ZMIZ1: variants seen among roughly 807,000 people sequenced by gnomAD.
The protein encoded by ZMIZ1 is zinc finger MIZ domain-containing protein 1.
In ZMIZ1, 17 loss-of-function variants were observed where a neutral mutation model predicts 113.9. The observed-to-expected ratio is 0.15, with a 90% CI of 0.10 to 0.22. ZMIZ1 has a LOEUF of 0.22. Among genes scored for constraint, ZMIZ1 ranks in the 10% least tolerant of loss-of-function variants. ZMIZ1 has a pLI of 1.00. For missense variants in ZMIZ1, 1,059 were observed against 1,477.8 expected (o/e 0.72, Z 4.65); for synonymous variants, 607 against 603.1 (o/e 1.01, Z -0.09).
At chr10:79,076,173 A>C (rs1276628576) in intron 1 of ZMIZ1, among the ~76,000 whole-genome samples, 1 of 152,106 alleles carries the variant, frequency 6.6e-6, no homozygotes, top group African/African-American at 2.4e-5. Flanking sequence ...GGAAAGAAAC[A>C]CTTGGTCTCA....
At position 79,314,327 on chromosome 10, in the gene ZMIZ1, G is replaced by T. The variant is rs1278204196; in HGVS notation, c.*1578G>T. 8.9e-6 allele frequency: 4 copies of T among 447,376 alleles called. No homozygotes were observed. The highest frequency in any genetic ancestry group is 1.8e-5 in the Non-Finnish European group (4 of 221,110). 27.7% of individuals were successfully genotyped at this position (447,376 alleles called of 1,614,324 possible). Reference sequence around the variant, plus strand: ...GCGCCCTTCCCGGCTGCTGCCTGGGGCCCTTTCCTGCTCTCCCGTCCGCTG... The same window carrying T: ...GCGCCCTTCCCGGCTGCTGCCTGGGTCCCTTTCCTGCTCTCCCGTCCGCTG... On this transcript the variant is annotated 3_prime_UTR_variant, in exon 25 of 25. Coordinates refer to ENST00000334512, the MANE Select transcript of ZMIZ1 (RefSeq NM_020338.4).
At chr10:79,274,134 G>A (rs1043084804) in intron 7 of ZMIZ1, among the ~76,000 whole-genome samples, 1 of 152,276 alleles carries the variant, frequency 6.6e-6, no homozygotes, top group Non-Finnish European at 1.5e-5. Flanking sequence ...TGGTTGCTTA[G>A]GCAGTAGAAG....
At chr10:79,132,979 C>G (rs1299844783) in intron 2 of ZMIZ1, among the ~76,000 whole-genome samples, 2 of 152,132 alleles carry the variant, frequency 1.3e-5, no homozygotes, top group Admixed American at 1.3e-4. Flanking sequence ...CTGGCCCCCT[C>G]GCAGGCTCTG....
At chr10:79,156,734 C>T (rs778639211) in intron 3 of ZMIZ1, among the ~76,000 whole-genome samples, 5 of 152,180 alleles carry the variant, frequency 3.3e-5, no homozygotes, top group Non-Finnish European at 5.9e-5. Context: ...TGGGCAGCCC[C>T]GCCCAGGACT....
intron 8 of ZMIZ1, among the ~76,000 whole-genome samples, chr10:79,284,847 C>A (rs781398650): frequency 2.0e-5 from 3 of 152,192 alleles, no homozygotes; most frequent in African/African-American, 7.2e-5. Flanking sequence ...GTCCCTGAAT[C>A]TTTGCCAACA....
intron 24 of ZMIZ1, among the ~76,000 whole-genome samples, chr10:79,312,406 G>A (rs1855238789): frequency 6.6e-6 from 1 of 152,282 alleles, no homozygotes; most frequent in Admixed American, 6.5e-5. Flanking sequence ...TGGGCTGCGG[G>A]TCCCAATCCT....
At chr10:79,093,084 A>T (rs1564645704) in intron 1 of ZMIZ1, among the ~76,000 whole-genome samples, 1 of 150,786 alleles carries the variant, frequency 6.6e-6, no homozygotes, top group African/African-American at 2.4e-5. Context: ...AATGAGTGGC[A>T]GGTCCAAGCT....
intron 4 of ZMIZ1, among the ~76,000 whole-genome samples, chr10:79,185,295 C>T (rs941352891): frequency 1.3e-5 from 2 of 152,274 alleles, no homozygotes; most frequent in Admixed American, 6.5e-5. Flanking sequence ...ATTGTTGAGT[C>T]GGCAGCATCC....
chr10:79,154,652 G>T (rs1373779750), intron 3 of ZMIZ1, among the ~76,000 whole-genome samples: 1 of 152,224 alleles, frequency 6.6e-6, no homozygotes, highest in African/African-American at 2.4e-5. Flanking sequence ...GTGTGGAAGG[G>T]AGTACCTGGC....
chr10:79,274,493 G>A (rs567626666), intron 7 of ZMIZ1, among the ~76,000 whole-genome samples: 45 of 152,336 alleles, frequency 3.0e-4, no homozygotes, highest in African/African-American at 1.1e-3. Flanking sequence ...TCTCTCGACA[G>A]TGCCCAGACT....
At chr10:79,086,862 GA>G (rs1292447916) in intron 1 of ZMIZ1, among the ~76,000 whole-genome samples, 1 of 151,982 alleles carries the variant, frequency 6.6e-6, no homozygotes, top group Non-Finnish European at 1.5e-5. Flanking sequence ...AGGGTTTCCT[GA>G]ATTGCATTTT....
At chr10:79,294,200 C>G (rs1853713674) in intron 12 of ZMIZ1, 1 of 169,502 alleles carries the variant, frequency 5.9e-6, no homozygotes. Flanking sequence ...TCTATAAGGA[C>G]TGACCCGTTG....
chr10:79,279,462 C>T (rs1185800588), intron 8 of ZMIZ1, among the ~76,000 whole-genome samples: 1 of 149,712 alleles, frequency 6.7e-6, no homozygotes, highest in East Asian at 2.0e-4. Context: ...CGGGAAGAGG[C>T]GCTCCTCACT....
At chr10:79,130,333 T>A (rs1844702659) in intron 2 of ZMIZ1, among the ~76,000 whole-genome samples, 1 of 152,150 alleles carries the variant, frequency 6.6e-6, no homozygotes, top group African/African-American at 2.4e-5. Flanking sequence ...CCCTCCACCC[T>A]CCAACCCCAA....
intron 4 of ZMIZ1, among the ~76,000 whole-genome samples, chr10:79,184,472 C>T (rs1473527119): frequency 3.3e-5 from 5 of 152,194 alleles, no homozygotes; most frequent in Non-Finnish European, 5.9e-5. Context: ...AGCTGGAGAA[C>T]TAATTAAATG....
chr10:79,208,761 G>T (rs1179108927), intron 6 of ZMIZ1, among the ~76,000 whole-genome samples: 1 of 151,862 alleles, frequency 6.6e-6, no homozygotes, highest in Non-Finnish European at 1.5e-5. Context: ...ACTCTCAAAG[G>T]GTTTTCAGCC....
chr10:79,314,143 C>T lies in ZMIZ1; in HGVS notation c.*1394C>T, dbSNP rs1471295454. 1.8e-5 allele frequency: 8 copies of T among 456,946 alleles called. No homozygotes were observed. The highest frequency in any genetic ancestry group is 3.1e-5 in the Non-Finnish European group (7 of 227,024). 28.3% of individuals were successfully genotyped at this position (456,946 alleles called of 1,614,324 possible). A position where few individuals can be genotyped will look rare whatever the true frequency, so the allele number is the denominator to read the frequency against. On this transcript the variant is annotated 3_prime_UTR_variant, in exon 25 of 25. Coordinates refer to ENST00000334512, the MANE Select transcript of ZMIZ1 (RefSeq NM_020338.4). ...AAGCAAAAGCAGCCTCTGGCCTTCC[C>T]TCCACCGCTTTGCTCCATCTGGCTT... is the stretch of plus-strand genomic sequence containing the variant.
chr10:79,290,696 A>T (rs1207015893), intron 9 of ZMIZ1: 1 of 670,116 alleles, frequency 1.5e-6, no homozygotes, highest in East Asian at 2.9e-5. Context: ...GGACCGCTTG[A>T]ACTGGCTTTG....
intron 2 of ZMIZ1, among the ~76,000 whole-genome samples, chr10:79,133,129 A>AC (rs1286348554): frequency 6.6e-6 from 1 of 152,086 alleles, no homozygotes; most frequent in Non-Finnish European, 1.5e-5. Context: ...CTTCTCCAGC[A>AC]CCCACCCCCT....
Sources: allele counts gnomAD v4.1 joint callset (sites outside exome capture counted in the v4.1 genomes callset), GRCh38; gene constraint gnomAD v4.1.1; transcripts MANE v1.5; gene names NCBI Gene and HGNC (gene_info 2026-07-23, HGNC 2026-07-21).